KAT8: variants seen among roughly 807,000 people sequenced by gnomAD.
The protein encoded by KAT8 is lysine acetyltransferase 8, also known as histone acetyltransferase KAT8.
In KAT8, 40 loss-of-function variants were observed where a neutral mutation model predicts 62.9. That is an observed-to-expected ratio of 0.64 (90% confidence interval 0.49 to 0.83). The LOEUF (loss-of-function observed/expected upper bound fraction) is 0.83. Among genes scored for constraint, KAT8 ranks in the 40% least tolerant of loss-of-function variants. The probability of loss-of-function intolerance (pLI) is 0.00; values close to 1 mark genes in which losing one functional copy is unlikely to be tolerated. For synonymous variants in KAT8, 278 were observed against 254.5 expected (o/e 1.09, Z -0.88); for missense variants, 387 against 614.8 (o/e 0.63, Z 3.92).
chr16:31,117,852 C>T lies in KAT8; in HGVS notation c.171C>T (p.Ile57=), dbSNP rs762890636. 6 of 1,427,290 alleles carry T rather than the reference C, an allele frequency of 4.2e-6. No individual in the cohort carries two copies. The South Asian group carries it at 7.0e-5, about 17-fold the overall frequency. 88.4% of individuals were successfully genotyped at this position (1,427,290 alleles called of 1,614,324 possible). ...GCGAGCCGGAAGTCACGGTGGAGAT[C>T]GGAGAAACGTACCTGTGCCGGCGAC... is the stretch of plus-strand genomic sequence containing the variant. ...ARGEPEVTVE[I]GETYLCRRPD... Residue 57 remains isoleucine, a synonymous_variant, in exon 1 of 11, where the codon ATC becomes ATT. Transcript: ENST00000219797.
intron 5 of KAT8, 90 bp downstream of exon 5, chr16:31,127,443 T>C: frequency 1.4e-6 from 2 of 1,387,800 alleles, no homozygotes; most frequent in Non-Finnish European, 2.0e-6. Flanking sequence ...CGCCGGCAGC[T>C]CCAGGGAGGA....
chr16:31,121,377 T>C (rs2057492264), intron 3 of KAT8, among the ~76,000 whole-genome samples: 1 of 152,132 alleles, frequency 6.6e-6, no homozygotes, highest in African/African-American at 2.4e-5. Context: ...CACCTCGGCC[T>C]CCCAAAGTGC....
intron 5 of KAT8, among the ~76,000 whole-genome samples, chr16:31,127,725 T>G (rs1369209698): frequency 6.6e-6 from 1 of 152,136 alleles, no homozygotes; most frequent in Non-Finnish European, 1.5e-5. Flanking sequence ...ACTGACACAG[T>G]GGGCTGCTTC....
chr16:31,125,949 C>G (rs2057528953), intron 3 of KAT8: 1 of 152,200 alleles, frequency 6.6e-6, no homozygotes, highest in Admixed American at 6.5e-5. Flanking sequence ...CAGTGTTGCC[C>G]TGTTGACCAC....
At position 31,127,172 on chromosome 16, in the gene KAT8, T is replaced by G; in HGVS notation, c.517-17T>G. 6.2e-7 allele frequency: 1 copy of G among 1,614,114 alleles called. No individual in the cohort carries two copies. Among genetic ancestry groups the G allele is most frequent in the Non-Finnish European group, 8.5e-7 (1 of 1,180,008 alleles). ...TGCTGAGCCGTGCACTGTGCCTCAC[T>G]CCCACCCTGCCTGCAGATCACCAAG... On this transcript the variant is annotated splice_polypyrimidine_tract_variant and intron_variant, in intron 4 of 10. Transcript: ENST00000219797.
rs560740588 is a variant in KAT8, at chr16:31,128,009, G to A, written c.682-41G>A. 76 of 1,513,192 alleles carry A rather than the reference G, an allele frequency of 5.0e-5. No individual in the cohort carries two copies. The South Asian group carries it at 7.2e-4, about 14-fold the overall frequency. 93.7% of individuals were successfully genotyped at this position (1,513,192 alleles called of 1,614,324 possible). A position where few individuals can be genotyped will look rare whatever the true frequency, so the allele number is the denominator to read the frequency against. ...GGTGGGTTGGGTGCCTCCTAGCAGA[G>A]AACATATGGGCAGCGAACCTGTTCT... On this transcript the variant is annotated intron_variant, in intron 5 of 10. Transcript: ENST00000219797.
intron 3 of KAT8, among the ~76,000 whole-genome samples, chr16:31,124,267 A>G (rs1386125173): frequency 6.6e-6 from 1 of 152,154 alleles, no homozygotes; most frequent in African/African-American, 2.4e-5. Flanking sequence ...AAGTGACCTC[A>G]CCTCTTTGTG....
chr16:31,130,699 C>G (rs2057570894), intron 9 of KAT8, 47 bp from the exon 10 acceptor site: 1 of 1,611,830 alleles, frequency 6.2e-7, no homozygotes, highest in South Asian at 1.1e-5. Context: ...CTGGCCAGAT[C>G]CCACAAGGGC....
At chr16:31,131,107 G>A (rs2057575395) in intron 10 of KAT8, 88 bp from the exon 11 acceptor site, 6 of 1,570,288 alleles carry the variant, frequency 3.8e-6, no homozygotes, top group Non-Finnish European at 5.2e-6. Flanking sequence ...TGGAGGAGGT[G>A]AAACTGGCCT....
At chr16:31,126,312 T>TG (rs1030384079) in intron 3 of KAT8, 49 of 152,350 alleles carry the variant, frequency 3.2e-4, no homozygotes, top group African/African-American at 1.1e-3. Context: ...AGACCTGAGA[T>TG]GGGGCCATGA....
rs2057578671 is a variant in KAT8, at chr16:31,131,357, G to A, written c.*98G>A. 7.0e-7 allele frequency: 1 copy of A among 1,431,440 alleles called. No individual in the cohort carries two copies. The highest frequency in any genetic ancestry group is 9.6e-7 in the Non-Finnish European group (1 of 1,037,476). 88.7% of individuals were successfully genotyped at this position (1,431,440 alleles called of 1,614,324 possible). A position where few individuals can be genotyped will look rare whatever the true frequency, so the allele number is the denominator to read the frequency against. On this transcript the variant is annotated 3_prime_UTR_variant, in exon 11 of 11. Coordinates refer to ENST00000219797, the MANE Select transcript of KAT8 (RefSeq NM_032188.3). The stretch of plus-strand genomic sequence containing the variant: ...CATTTTTTTAATAAAGTCAGTTCTG[G>A]TGGCCCTGGACTTTGGAGGGGAAGG...
chr16:31,123,833 T>A (rs1434909671), intron 3 of KAT8: 1 of 152,200 alleles, frequency 6.6e-6, no homozygotes, highest in Non-Finnish European at 1.5e-5. Flanking sequence ...TAAATAGCCC[T>A]ATGTGACAAG....
intron 6 of KAT8, among the ~76,000 whole-genome samples, chr16:31,129,251 G>A (rs541845045): frequency 3.3e-5 from 5 of 152,298 alleles, no homozygotes; most frequent in African/African-American, 9.6e-5. Flanking sequence ...CCTTGGACTC[G>A]GAGAATACGC....
chr16:31,126,879 A>G, intron 3 of KAT8, 156 bp from the exon 4 acceptor site: 1 of 749,046 alleles, frequency 1.3e-6, no homozygotes, highest in Non-Finnish European at 2.2e-6. Flanking sequence ...AGCCAGCTTC[A>G]GAACCAAGTC....
intron 5 of KAT8, among the ~76,000 whole-genome samples, chr16:31,127,715 A>T (rs1318515894): frequency 6.6e-6 from 1 of 152,174 alleles, no homozygotes; most frequent in Non-Finnish European, 1.5e-5. Context: ...CGCTCTCATC[A>T]CTGACACAGT....
At chr16:31,125,008 C>T (rs781086334) in intron 3 of KAT8, among the ~76,000 whole-genome samples, 5 of 152,032 alleles carry the variant, frequency 3.3e-5, no homozygotes, top group African/African-American at 1.2e-4. Context: ...GCCTGGGCAA[C>T]AAGAGCAAAA....
chr16:31,123,214 A>G (rs2057510144), intron 3 of KAT8, among the ~76,000 whole-genome samples: 1 of 152,124 alleles, frequency 6.6e-6, no homozygotes. Flanking sequence ...TTTTTTAAAA[A>G]AATTTTATTT....
rs2057570000 is a variant in KAT8 at position 31,130,584 on chromosome 16, A to G, written c.1135A>G (p.Thr379Ala). ...AGAGATCCTGCGGGACTTCCGGGGC[A>G]CACTGTCCATCAAGGACCTCAGGTG... The part of the protein sequence containing the change: ...LLEILRDFRG[T>A]LSIKDLSQMT... Residue 379 changes from threonine (T) to alanine (A), a missense_variant, in exon 9 of 11, where the codon ACA becomes GCA. Physicochemically the swap from Thr to Ala is moderately conservative, Grantham distance 58. Transcript: ENST00000219797. The G allele has an allele frequency of 6.2e-7, 1 of 1,614,040 alleles. No homozygotes were observed. The highest frequency in any genetic ancestry group is 1.7e-5 in the Admixed American group (1 of 60,000).
At chr16:31,127,383 G>A in intron 5 of KAT8, 30 bp downstream of exon 5, 1 of 1,611,740 alleles carries the variant, frequency 6.2e-7, no homozygotes, top group East Asian at 2.2e-5. Flanking sequence ...GCCGAGCTGG[G>A]CAGGGGCCCG....
Sources: allele counts gnomAD v4.1 joint callset (sites outside exome capture counted in the v4.1 genomes callset), GRCh38; gene constraint gnomAD v4.1.1; transcripts MANE v1.5; gene names NCBI Gene and HGNC (gene_info 2026-07-23, HGNC 2026-07-21).